The following CFAP221 variants were observed in gnomAD, a reference collection of about 807,000 sequenced individuals.
The protein encoded by CFAP221 is cilia- and flagella-associated protein 221.
Under a neutral mutation model 113.1 loss-of-function variants are expected in CFAP221, and 97 were observed. The ratio of observed to expected loss-of-function variants is 0.86; its 90% confidence interval spans 0.73 to 1.02. CFAP221 has a LOEUF of 1.02. Among genes scored for constraint, CFAP221 ranks in the 50% least tolerant of loss-of-function variants. The probability of loss-of-function intolerance (pLI) is 0.00; values close to 1 mark genes in which losing one functional copy is unlikely to be tolerated. For synonymous variants in CFAP221, 331 were observed against 354.4 expected (o/e 0.93, Z 0.74); for missense variants, 1,025 against 1,013.4 (o/e 1.01, Z -0.16).
intron 21 of CFAP221, among the ~76,000 whole-genome samples, chr2:119,640,451 T>A (rs534058017): frequency 7.2e-5 from 11 of 152,290 alleles, no homozygotes; most frequent in African/African-American, 2.6e-4. Flanking sequence ...ATTTGCTTAT[T>A]TAATAGCTCT....
intron 20 of CFAP221, among the ~76,000 whole-genome samples, chr2:119,638,718 G>A (rs1451423942): frequency 1.3e-5 from 2 of 152,134 alleles, no homozygotes; most frequent in African/African-American, 4.8e-5. Context: ...CAGCCACACG[G>A]TATGCACAAC....
intron 6 of CFAP221, among the ~76,000 whole-genome samples, chr2:119,563,140 T>A (rs1681375363): frequency 6.6e-6 from 1 of 152,036 alleles, no homozygotes; most frequent in African/African-American, 2.4e-5. Flanking sequence ...GGTGACAGAG[T>A]GAGATCCTGT....
At chr2:119,578,516 C>A (rs1229035457) in intron 6 of CFAP221, among the ~76,000 whole-genome samples, 1 of 152,204 alleles carries the variant, frequency 6.6e-6, no homozygotes, top group African/African-American at 2.4e-5. Flanking sequence ...ACTAAATTGA[C>A]TTAACCCTAA....
intron 3 of CFAP221, among the ~76,000 whole-genome samples, chr2:119,557,851 A>G (rs982055684): frequency 6.6e-6 from 1 of 151,838 alleles, no homozygotes; most frequent in Non-Finnish European, 1.5e-5. Flanking sequence ...AAAAATACAA[A>G]AGTTAGCTGG....
chr2:119,601,422 TG>T, intron 8 of CFAP221, 45 bp downstream of exon 8: 1 of 1,433,790 alleles, frequency 7.0e-7, no homozygotes, highest in South Asian at 1.5e-5. Context: ...AACCCTTTTT[TG>T]AAAATCCAAG....
intron 7 of CFAP221, among the ~76,000 whole-genome samples, chr2:119,592,062 C>G (rs765879194): frequency 1.3e-5 from 2 of 151,518 alleles, no homozygotes; most frequent in Non-Finnish European, 2.9e-5. Flanking sequence ...AAAACATTAC[C>G]GAGAATCTCA....
chr2:119,641,582 C>T (rs1428532004), intron 21 of CFAP221, among the ~76,000 whole-genome samples: 1 of 152,188 alleles, frequency 6.6e-6, no homozygotes, highest in Non-Finnish European at 1.5e-5. Context: ...ATCTCCTCCT[C>T]TCTGAGGGAG....
intron 6 of CFAP221, among the ~76,000 whole-genome samples, chr2:119,581,370 CAGAT>C (rs1263020194): frequency 2.0e-5 from 3 of 151,936 alleles, no homozygotes; most frequent in African/African-American, 7.3e-5. Flanking sequence ...TTTTAAAGAT[CAGAT>C]AGATAAAAAG....
chr2:119,604,540 G>T, intron 8 of CFAP221, 132 bp from the exon 9 acceptor site: 1 of 791,492 alleles, frequency 1.3e-6, no homozygotes, highest in Non-Finnish European at 1.8e-6. Context: ...ACCACTGTTG[G>T]GGCACACATT....
At position 119,604,694 on chromosome 2, in the gene CFAP221, A is replaced by G; in HGVS notation, c.814A>G (p.Asn272Asp). ...TAGATTAGAAGAGTTTGAAAGGTTG[A>G]ATACCCTTTCTAAGAAAGTAAACGT... The part of the protein sequence containing the change: ...ALPLEEFERL[N>D]TLSKKVNVPP... Residue 272 changes from asparagine to aspartate, a missense_variant, in exon 9 of 24, where the codon AAT becomes GAT. Physicochemically the swap from Asn to Asp is conservative, Grantham distance 23. Coordinates refer to ENST00000413369, the MANE Select transcript of CFAP221 (RefSeq NM_001271049.2). 12 of 1,558,440 alleles carry G rather than the reference A, an allele frequency of 7.7e-6. No individual in the cohort carries two copies. The highest frequency in any genetic ancestry group is 1.0e-5 in the Non-Finnish European group (12 of 1,158,474).
chr2:119,587,307 AT>A, intron 7 of CFAP221, 85 bp downstream of exon 7: 1 of 907,094 alleles, frequency 1.1e-6, no homozygotes, highest in Non-Finnish European at 1.6e-6. Flanking sequence ...TCAGTGATGA[AT>A]TTTACACATA....
At chr2:119,632,110 C>T (rs950912542) in intron 19 of CFAP221, among the ~76,000 whole-genome samples, 5 of 152,064 alleles carry the variant, frequency 3.3e-5, no homozygotes, top group Admixed American at 6.5e-5. Flanking sequence ...AAAATCTACA[C>T]GAGCTCTTCC....
At position 119,544,474 on chromosome 2, in the gene CFAP221, G is replaced by T. The variant is rs1157816142; in HGVS notation, c.-84G>T. The T allele has an allele frequency of 6.6e-6, 1 of 151,768 alleles. No homozygotes were observed. Among genetic ancestry groups the T allele is most frequent in the Non-Finnish European group, 1.5e-5 (1 of 67,940 alleles). The allele number at this position is 151,768 out of a possible 1,614,324, so 9.4% of individuals were successfully genotyped here. Reference sequence around the variant, plus strand: ...GACGCTCCGAGCGGGCGCCGGCGCTGGCGCCGGCCGAATCCGGCCCGGGAA... The same window carrying T: ...GACGCTCCGAGCGGGCGCCGGCGCTTGCGCCGGCCGAATCCGGCCCGGGAA... On this transcript the variant is annotated 5_prime_UTR_variant, in exon 1 of 24. Transcript: ENST00000413369.
chr2:119,627,555 C>T (rs2104752887), intron 15 of CFAP221, 98 bp from the exon 16 acceptor site: 1 of 1,057,690 alleles, frequency 9.5e-7, no homozygotes, highest in Non-Finnish European at 1.4e-6. Context: ...ACACACCCAC[C>T]CACTAATTGG....
chr2:119,649,191 A>G (rs992600326), intron 22 of CFAP221, among the ~76,000 whole-genome samples: 1 of 152,112 alleles, frequency 6.6e-6, no homozygotes, highest in African/African-American at 2.4e-5. Flanking sequence ...TATTATGGAA[A>G]CTACAGACGG....
intron 15 of CFAP221, among the ~76,000 whole-genome samples, chr2:119,626,060 G>T (rs1686288707): frequency 6.6e-6 from 1 of 152,178 alleles, no homozygotes; most frequent in Non-Finnish European, 1.5e-5. Flanking sequence ...GGTTTCAGGG[G>T]AGCCCAAGTC....
chr2:119,630,218 C>A (rs986237447), intron 17 of CFAP221, among the ~76,000 whole-genome samples: 4 of 152,072 alleles, frequency 2.6e-5, no homozygotes, highest in African/African-American at 9.7e-5. Flanking sequence ...TTAGAAACTT[C>A]AAGAAAAAAT....
intron 21 of CFAP221, among the ~76,000 whole-genome samples, chr2:119,641,924 C>T (rs764207064): frequency 8.1e-4 from 123 of 152,262 alleles, no homozygotes; most frequent in Middle Eastern, 3.4e-3. Flanking sequence ...CATGTCCACC[C>T]GTTGTCAGCG....
At chr2:119,640,550 G>A (rs562497154) in intron 21 of CFAP221, among the ~76,000 whole-genome samples, 51 of 152,222 alleles carry the variant, frequency 3.4e-4, no homozygotes, top group African/African-American at 1.2e-3. Flanking sequence ...CCTTGAATTC[G>A]CTTCTTCAGT....
Sources: allele counts gnomAD v4.1 joint callset (sites outside exome capture counted in the v4.1 genomes callset), GRCh38; gene constraint gnomAD v4.1.1; transcripts MANE v1.5; gene names NCBI Gene and HGNC (gene_info 2026-07-23, HGNC 2026-07-21).